ATP9B: variants seen among roughly 807,000 people sequenced by gnomAD.
ATP9B encodes the protein probable phospholipid-transporting ATPase IIB.
In ATP9B, 110 loss-of-function variants were observed where a neutral mutation model predicts 146.1. The ratio of observed to expected loss-of-function variants is 0.75; its 90% CI spans 0.65 to 0.88. ATP9B has a LOEUF of 0.88. Among genes scored for constraint, ATP9B ranks in the 40% least tolerant of loss-of-function variants. The probability of loss-of-function intolerance (pLI) is 0.00; values close to 1 mark genes in which losing one functional copy is unlikely to be tolerated. For missense variants in ATP9B, 1,499 were observed against 1,496.4 expected (o/e 1.00, Z -0.03); for synonymous variants, 604 against 569.7 (o/e 1.06, Z -0.86).
At chr18:79,284,576 A>C (rs1314979201) in intron 13 of ATP9B, among the ~76,000 whole-genome samples, 1 of 152,176 alleles carries the variant, frequency 6.6e-6, no homozygotes, top group Admixed American at 6.5e-5. Context: ...AAGATTGGCA[A>C]ATTAGTCTTA....
rs552693361 is a variant in ATP9B at position 79,279,154 on chromosome 18, C to G, written c.1411+1958C>G. Among the ~76,000 whole-genome samples, 4 of 152,272 alleles carry G rather than the reference C, an allele frequency of 2.6e-5. No homozygotes were observed. The East Asian group carries it at 7.7e-4, about 29-fold the overall frequency. On this transcript the variant is annotated intron_variant, in intron 13 of 29. Transcript: ENST00000426216. ...ACCACCAGGATTTGCTCATGTGCCCCCTGCGAGGGCTGCTTTCCCAACGTG... is the reference window on the plus strand; with the variant it reads ...ACCACCAGGATTTGCTCATGTGCCCGCTGCGAGGGCTGCTTTCCCAACGTG...
chr18:79,202,126 A>C (rs568448058), intron 9 of ATP9B, among the ~76,000 whole-genome samples: 60 of 152,344 alleles, frequency 3.9e-4, no homozygotes, highest in Admixed American at 2.3e-3. Context: ...CCCAGTATGC[A>C]TGCTGATGCC....
chr18:79,166,834 A>C (rs72994283), intron 7 of ATP9B, among the ~76,000 whole-genome samples: 10,006 of 152,138 alleles, frequency 0.066, 406 homozygotes, highest in Non-Finnish European at 0.095. Flanking sequence ...GGCTTTGCTT[A>C]GCTTGTGCTG....
At chr18:79,287,412 G>A (rs2096456087) in intron 13 of ATP9B, among the ~76,000 whole-genome samples, 1 of 152,186 alleles carries the variant, frequency 6.6e-6, no homozygotes, top group African/African-American at 2.4e-5. Flanking sequence ...GCGTAGAGGT[G>A]TTTGTAGTAT....
chr18:79,206,192 G>A (rs1056885875), intron 9 of ATP9B, among the ~76,000 whole-genome samples: 39 of 152,024 alleles, frequency 2.6e-4, no homozygotes, highest in Non-Finnish European at 1.5e-4. Context: ...CACCCACCTC[G>A]GCCTCCCAAA....
In ATP9B at chr18:79,080,558, A is replaced by G. The variant is rs1450319539; in HGVS notation, c.119+11029A>G. ...GGTTTTGTAAGTATACAATCATGTC[A>G]TCCACAAACAGAGACAATTTGACTT... On this transcript the variant is annotated intron_variant, in intron 1 of 29. Transcript: ENST00000426216. 2.0e-5 allele frequency among the ~76,000 whole-genome samples: 3 copies of G among 152,232 alleles called. No individual in the cohort carries two copies. The East Asian group carries it at 5.8e-4, about 29-fold the overall frequency.
chr18:79,308,061 T>C (rs960149693), intron 15 of ATP9B, among the ~76,000 whole-genome samples: 7 of 152,088 alleles, frequency 4.6e-5, no homozygotes, highest in Non-Finnish European at 1.0e-4. Flanking sequence ...GTGGTTCTGG[T>C]TGACGAGTTT....
At chr18:79,128,052 CTT>C (rs1173565651) in intron 5 of ATP9B, among the ~76,000 whole-genome samples, 28 of 71,714 alleles carry the variant, frequency 3.9e-4, no homozygotes, top group Middle Eastern at 0.012. Context: ...CCTTTGCCGA[CTT>C]TTTTTTTTTT....
chr18:79,369,735 C>T (rs1056280986), intron 26 of ATP9B, among the ~76,000 whole-genome samples: 1 of 152,230 alleles, frequency 6.6e-6, no homozygotes, highest in African/African-American at 2.4e-5. Flanking sequence ...CTGTGCCCCA[C>T]AGCACTGAGT....
In ATP9B at chr18:79,377,257, T is replaced by A; in HGVS notation, c.3318T>A (p.Phe1106Leu). 6.2e-7 allele frequency: 1 copy of A among 1,612,028 alleles called. No individual in the cohort carries two copies. Among genetic ancestry groups the A allele is most frequent in the East Asian group, 2.2e-5 (1 of 44,852 alleles). Residue 1106 changes from phenylalanine to leucine, a missense_variant, in exon 30 of 30, where the codon TTT (phenylalanine) becomes TTA (leucine). Transcript: ENST00000426216. ...GTTTCCTGCCAACAGATGTTGCCTT[T>A]ATCACCACCGTGACCTTCCTGTGGA... is the stretch of plus-strand genomic sequence containing the variant. ...VSFGAFLDVA[F>L]ITTVTFLWKV...
At chr18:79,170,515 G>A (rs1443837986) in intron 7 of ATP9B, among the ~76,000 whole-genome samples, 1 of 152,158 alleles carries the variant, frequency 6.6e-6, no homozygotes, top group African/African-American at 2.4e-5. Flanking sequence ...TAATCTAAAT[G>A]TGTTTTAAAA....
chr18:79,344,844 C>A (rs924514203), intron 21 of ATP9B, among the ~76,000 whole-genome samples: 16 of 152,210 alleles, frequency 1.1e-4, no homozygotes, highest in African/African-American at 3.9e-4. Flanking sequence ...TCTGTCCTCT[C>A]CATGTTGCAT....
chr18:79,073,441 A>G (rs1043234345), intron 1 of ATP9B, among the ~76,000 whole-genome samples: 15 of 152,250 alleles, frequency 9.9e-5, no homozygotes. Flanking sequence ...AGCCTGGCCA[A>G]CACGGAGAAA....
At chr18:79,197,847 AC>A (rs1307849329) in intron 9 of ATP9B, among the ~76,000 whole-genome samples, 1 of 152,190 alleles carries the variant, frequency 6.6e-6, no homozygotes, top group African/African-American at 2.4e-5. Context: ...AAAACATAGT[AC>A]CCCCGAATTC....
chr18:79,327,045 C>A (rs982085615), intron 15 of ATP9B, among the ~76,000 whole-genome samples: 2 of 152,236 alleles, frequency 1.3e-5, no homozygotes, highest in African/African-American at 4.8e-5. Flanking sequence ...GCCACAGAGC[C>A]AGAGCTCTTG....
intron 25 of ATP9B, chr18:79,352,568 G>A (rs577091860): frequency 3.9e-5 from 6 of 152,350 alleles, no homozygotes; most frequent in Admixed American, 2.0e-4. Flanking sequence ...CATCTAGAAC[G>A]AACAGCCAGA....
intron 5 of ATP9B, among the ~76,000 whole-genome samples, chr18:79,135,822 G>C (rs937007290): frequency 1.3e-5 from 2 of 151,934 alleles, no homozygotes; most frequent in African/African-American, 4.8e-5. Flanking sequence ...GTCTATTTTT[G>C]TCTACTGTGC....
chr18:79,242,044 G>A (rs2095894416), intron 11 of ATP9B, among the ~76,000 whole-genome samples: 1 of 152,238 alleles, frequency 6.6e-6, no homozygotes, highest in Non-Finnish European at 1.5e-5. Flanking sequence ...TGGGCCTGTG[G>A]TCTCATGCAG....
chr18:79,188,440 T>C (rs1313498873), intron 8 of ATP9B, among the ~76,000 whole-genome samples: 1 of 152,196 alleles, frequency 6.6e-6, no homozygotes. Context: ...TAATCAACTG[T>C]GGTTCCTCTT....
Sources: allele counts gnomAD v4.1 joint callset (sites outside exome capture counted in the v4.1 genomes callset), GRCh38; gene constraint gnomAD v4.1.1; transcripts MANE v1.5; gene names NCBI Gene and HGNC (gene_info 2026-07-23, HGNC 2026-07-21).